Variants in CCDC178 observed in about 807,000 individuals in gnomAD.
CCDC178 encodes the protein coiled-coil domain-containing protein 178.
CCDC178 carries 126 observed loss-of-function variants against 117.4 expected under a neutral mutation model. The observed-to-expected ratio is 1.07, with a 90% CI of 0.93 to 1.24. The LOEUF (loss-of-function observed/expected upper bound fraction) is 1.24, where lower values mean the gene tolerates loss of function less well. Ranked by LOEUF, CCDC178 falls within the 50% of genes most tolerant of loss-of-function variation. The pLI is 0.00. For missense variants in CCDC178, 1,030 were observed against 986.9 expected (o/e 1.04, Z -0.59); for synonymous variants, 283 against 313.4 (o/e 0.90, Z 1.02).
chr18:33,084,749 T>C (rs1177523231), intron 21 of CCDC178, among the ~76,000 whole-genome samples: 1 of 150,536 alleles, frequency 6.6e-6, no homozygotes, highest in Non-Finnish European at 1.5e-5. Context: ...AGGAGGAGGT[T>C]GCAGTGAGCC....
At chr18:32,984,812 T>C (rs905675005) in intron 21 of CCDC178, among the ~76,000 whole-genome samples, 2 of 152,014 alleles carry the variant, frequency 1.3e-5, no homozygotes, top group Admixed American at 6.6e-5. Flanking sequence ...AAGATTACAC[T>C]GTCAAACATA....
At chr18:33,237,781 A>C (rs1319512051) in intron 15 of CCDC178, among the ~76,000 whole-genome samples, 1 of 105,418 alleles carries the variant, frequency 9.5e-6, no homozygotes, top group Non-Finnish European at 1.9e-5. Flanking sequence ...TGAAAAAAAC[A>C]AAAAAAAAAA....
intron 20 of CCDC178, among the ~76,000 whole-genome samples, chr18:33,156,052 G>T: frequency 1.4e-5 from 2 of 143,556 alleles, no homozygotes; most frequent in Admixed American, 1.4e-4. Context: ...TACAGAGCAT[G>T]TTGACAGATG....
intron 22 of CCDC178, among the ~76,000 whole-genome samples, chr18:32,938,661 T>G (rs1277186812): frequency 6.6e-6 from 1 of 152,102 alleles, no homozygotes; most frequent in Non-Finnish European, 1.5e-5. Context: ...GTAAAATGTG[T>G]GTATAAAATG....
chr18:33,072,912 T>C (rs1194277638), intron 21 of CCDC178, among the ~76,000 whole-genome samples: 4 of 152,128 alleles, frequency 2.6e-5, no homozygotes, highest in Non-Finnish European at 5.9e-5. Flanking sequence ...TGGCCAACTA[T>C]ACATTTTTTA....
At chr18:33,145,907 G>T (rs2058262193) in intron 20 of CCDC178, among the ~76,000 whole-genome samples, 1 of 152,158 alleles carries the variant, frequency 6.6e-6, no homozygotes, top group Non-Finnish European at 1.5e-5. Flanking sequence ...TTACATCCTG[G>T]AGATTTGGGA....
chr18:33,021,810 G>A (rs1048318052), intron 21 of CCDC178, among the ~76,000 whole-genome samples: 10 of 152,234 alleles, frequency 6.6e-5, no homozygotes, highest in African/African-American at 2.4e-4. Flanking sequence ...TCATTACAGT[G>A]CTAAATGCCA....
chr18:33,148,285 G>A (rs925484184), intron 20 of CCDC178, among the ~76,000 whole-genome samples: 1 of 152,170 alleles, frequency 6.6e-6, no homozygotes, highest in African/African-American at 2.4e-5. Flanking sequence ...CCAGTCAGGC[G>A]TGGCGGCGCG....
rs1555656291 is a variant in CCDC178 at position 33,179,095 on chromosome 18, A to ATATATATAAAC, written c.2238+32800_2238+32801insGTTTATATATA. Among the ~76,000 whole-genome samples, 30 of 111,644 alleles carry ATATATATAAAC rather than the reference A, an allele frequency of 2.7e-4. 1 individual carries two copies. Among genetic ancestry groups the ATATATATAAAC allele is most frequent in the African/African-American group, 8.4e-4 (19 of 22,568 alleles). The allele number at this position is 111,644 out of a possible 152,430, so 73.2% of individuals were successfully genotyped here. Reference sequence around the variant, plus strand: ...AAAAAAAAAATATATATATATATATATATATATATATATAAACTATATATA... The same window carrying ATATATATAAAC: ...AAAAAAAAAATATATATATATATATATATATATAAACTATATATATATATAAACTATATATA... On this transcript the variant is annotated intron_variant, in intron 20 of 22. Coordinates refer to ENST00000383096, the MANE Select transcript of CCDC178 (RefSeq NM_001105528.4).
At chr18:33,292,266 T>C (rs1223870756) in intron 12 of CCDC178, among the ~76,000 whole-genome samples, 1 of 152,148 alleles carries the variant, frequency 6.6e-6, no homozygotes, top group Non-Finnish European at 1.5e-5. Context: ...TTCCTGTTAT[T>C]TGCAGCAACA....
chr18:33,390,812 T>C (rs888355613), intron 4 of CCDC178, among the ~76,000 whole-genome samples: 1 of 151,684 alleles, frequency 6.6e-6, no homozygotes, highest in African/African-American at 2.4e-5. Context: ...TGCTATAAAA[T>C]AAAAAAATTG....
At chr18:33,265,519 T>C (rs963852634) in intron 14 of CCDC178, among the ~76,000 whole-genome samples, 5 of 151,922 alleles carry the variant, frequency 3.3e-5, no homozygotes, top group Non-Finnish European at 7.4e-5. Context: ...GGTAAAAACA[T>C]TCTAGAAAAA....
chr18:33,261,986 A>G (rs2059756469), intron 14 of CCDC178, among the ~76,000 whole-genome samples: 1 of 152,118 alleles, frequency 6.6e-6, no homozygotes. Context: ...GTTTTCTCTT[A>G]TATTTTCTAA....
At chr18:33,294,796 G>C (rs2144883121) in intron 11 of CCDC178, among the ~76,000 whole-genome samples, 1 of 152,244 alleles carries the variant, frequency 6.6e-6, no homozygotes, top group South Asian at 2.1e-4. Flanking sequence ...CTCCAGTCCA[G>C]AGAATACACT....
At chr18:33,378,978 CT>C (rs1172797508) in intron 5 of CCDC178, among the ~76,000 whole-genome samples, 1 of 151,430 alleles carries the variant, frequency 6.6e-6, no homozygotes, top group African/African-American at 2.4e-5. Context: ...AGTCTTTCCA[CT>C]TTGATATTTT....
chr18:33,119,825 C>G (rs1170696467), intron 20 of CCDC178, among the ~76,000 whole-genome samples: 1 of 152,084 alleles, frequency 6.6e-6, no homozygotes, highest in East Asian at 1.9e-4. Context: ...GAAAATGTGG[C>G]ACATATACAC....
intron 20 of CCDC178, among the ~76,000 whole-genome samples, chr18:33,170,555 G>A (rs1052797217): frequency 2.6e-5 from 4 of 152,114 alleles, no homozygotes; most frequent in East Asian, 1.9e-4. Flanking sequence ...GATATCAGCC[G>A]TGGGGTAAAT....
chr18:33,057,012 A>G (rs1480090772), intron 21 of CCDC178, among the ~76,000 whole-genome samples: 1 of 149,438 alleles, frequency 6.7e-6, no homozygotes, highest in Non-Finnish European at 1.5e-5. Flanking sequence ...TATTAACAGT[A>G]TAGACAGAAA....
chr18:33,350,077 T>C (rs2062953386), intron 7 of CCDC178, among the ~76,000 whole-genome samples: 1 of 152,030 alleles, frequency 6.6e-6, no homozygotes, highest in Non-Finnish European at 1.5e-5. Context: ...TGTTGAAAAG[T>C]ATATTTTTTC....
Sources: gnomAD v4.1 joint callset for allele counts (sites outside exome capture counted in the v4.1 genomes callset) on GRCh38, gnomAD v4.1.1 for gene constraint, MANE v1.5 for transcripts, NCBI Gene and HGNC (gene_info 2026-07-23, HGNC 2026-07-21) for gene names.